Variants in SMARCA2 observed in about 807,000 individuals in gnomAD.
The protein encoded by SMARCA2 is SWI/SNF-related matrix-associated actin-dependent regulator of chromatin subfamily A member 2.
Under a neutral mutation model 199.8 loss-of-function variants are expected in SMARCA2, and 61 were observed. The observed-to-expected ratio is 0.31, with a 90% confidence interval of 0.25 to 0.38. The LOEUF is 0.38. Among genes scored for constraint, SMARCA2 ranks in the 10% least tolerant of loss-of-function variants. The pLI is 1.00. For missense variants in SMARCA2, 1,344 were observed against 2,012.2 expected (o/e 0.67, Z 6.35); for synonymous variants, 935 against 732.0 (o/e 1.28, Z -4.48).
At chr9:2,096,154 C>T (rs1219990048) in intron 19 of SMARCA2, among the ~76,000 whole-genome samples, 2 of 152,164 alleles carry the variant, frequency 1.3e-5, no homozygotes, top group African/African-American at 2.4e-5. Flanking sequence ...TAATGGTAGT[C>T]ACCCTAGGGA....
chr9:2,026,444 G>A (rs1818834612), intron 1 of SMARCA2, among the ~76,000 whole-genome samples: 2 of 152,154 alleles, frequency 1.3e-5, no homozygotes, highest in South Asian at 4.1e-4. Context: ...AAAACGAGGA[G>A]CATTTTTATG....
At chr9:2,046,734 A>AT (rs1214629156) in intron 4 of SMARCA2, among the ~76,000 whole-genome samples, 1 of 150,784 alleles carries the variant, frequency 6.6e-6, no homozygotes, top group Non-Finnish European at 1.5e-5. Flanking sequence ...TTGAGGTGCA[A>AT]TTTGCAAGAT....
At chr9:2,029,282 T>G in intron 2 of SMARCA2, 35 bp downstream of exon 2, 1 of 1,580,884 alleles carries the variant, frequency 6.3e-7, no homozygotes. Context: ...ACTCAACTTC[T>G]GATAAGTGGA....
intron 1 of SMARCA2, among the ~76,000 whole-genome samples, chr9:2,026,178 G>C (rs918769419): frequency 6.6e-6 from 1 of 152,154 alleles, no homozygotes; most frequent in Non-Finnish European, 1.5e-5. Context: ...ATCACGTCAC[G>C]TTCTATGAGA....
At chr9:2,102,759 C>T (rs1021073018) in intron 22 of SMARCA2, among the ~76,000 whole-genome samples, 1 of 152,140 alleles carries the variant, frequency 6.6e-6, no homozygotes, top group Non-Finnish European at 1.5e-5. Context: ...TACATGACGT[C>T]CATAGTGATC....
At position 2,086,376 on chromosome 9, in the gene SMARCA2, T is replaced by C. The variant is rs1310123132; in HGVS notation, c.2527-453T>C. 6.6e-6 allele frequency among the ~76,000 whole-genome samples: 1 copy of C among 152,222 alleles called. No individual in the cohort carries two copies. The highest frequency in any genetic ancestry group is 2.4e-5 in the African/African-American group (1 of 41,460). ...AGAATATCTCAGCTGTAGAACCTGC[T>C]AGGGCCATCTTGGAAAAATCAGTCA... On this transcript the variant is annotated intron_variant, in intron 17 of 33. Coordinates refer to ENST00000349721, the MANE Select transcript of SMARCA2 (RefSeq NM_003070.5). This position sits in a 1 kb window ranked among gnomAD's most constrained non-coding sequence, Gnocchi z 4.3.
chr9:2,163,362 G>A (rs888509454), intron 28 of SMARCA2, among the ~76,000 whole-genome samples: 1 of 152,138 alleles, frequency 6.6e-6, no homozygotes, highest in Non-Finnish European at 1.5e-5. Flanking sequence ...TTGGACCAAC[G>A]GTTCATTAAT....
intron 1 of SMARCA2, among the ~76,000 whole-genome samples, chr9:2,023,421 A>G (rs1385408670): frequency 6.6e-6 from 1 of 152,222 alleles, no homozygotes; most frequent in Non-Finnish European, 1.5e-5. Context: ...ACTTTTAAAA[A>G]ACATATTTGA....
chr9:2,049,373 T>C (rs916517880), intron 5 of SMARCA2, among the ~76,000 whole-genome samples: 2 of 152,246 alleles, frequency 1.3e-5, no homozygotes, highest in Non-Finnish European at 2.9e-5. Flanking sequence ...TATTAAGTAG[T>C]ACTATTTGGC....
At chr9:2,023,615 T>G (rs893146604) in intron 1 of SMARCA2, among the ~76,000 whole-genome samples, 12 of 152,198 alleles carry the variant, frequency 7.9e-5, no homozygotes, top group African/African-American at 2.9e-4. Flanking sequence ...AGAAGCAGTG[T>G]GGGCCTTGGT....
chr9:2,091,000 G>A (rs983718681), intron 19 of SMARCA2, among the ~76,000 whole-genome samples: 11 of 152,080 alleles, frequency 7.2e-5, no homozygotes, highest in Non-Finnish European at 1.5e-5. Context: ...AAGGAACTAC[G>A]GCAGATGGAG....
intron 27 of SMARCA2, chr9:2,159,933 T>A: frequency 1.3e-6 from 2 of 1,596,526 alleles, no homozygotes; most frequent in African/African-American, 1.3e-5. Context: ...TTCGTTGCCG[T>A]CTTGAAGATT....
rs542810051 is a variant in SMARCA2 at position 2,161,454 on chromosome 9, C to A, written c.3982-232C>A. ...TCTCCTTTACTGTGAGTGTTTTGGG[C>A]CTTCAGTGTGTTTTGCTCATGAAAC... On this transcript the variant is annotated intron_variant, in intron 27 of 33. Coordinates refer to ENST00000349721, the MANE Select transcript of SMARCA2 (RefSeq NM_003070.5). The surrounding 1 kb of genome is among the most constrained non-coding windows in gnomAD (Gnocchi z 4.7). Among the ~76,000 whole-genome samples the A allele has an allele frequency of 7.9e-5, 12 of 152,190 alleles. No homozygotes were observed. Among genetic ancestry groups the A allele is most frequent in the Non-Finnish European group, 1.0e-4 (7 of 68,010 alleles).
At chr9:2,134,295 A>G (rs991692234) in intron 27 of SMARCA2, among the ~76,000 whole-genome samples, 2 of 152,186 alleles carry the variant, frequency 1.3e-5, no homozygotes, top group Non-Finnish European at 2.9e-5. Context: ...CCACAGGTTT[A>G]TTCATCTCAA....
At chr9:2,071,616 C>A (rs1355519768) in intron 10 of SMARCA2, among the ~76,000 whole-genome samples, 2 of 152,156 alleles carry the variant, frequency 1.3e-5, no homozygotes, top group Non-Finnish European at 2.9e-5. Flanking sequence ...CACACGTGTC[C>A]TGTTTGCTAA....
intron 27 of SMARCA2, among the ~76,000 whole-genome samples, chr9:2,138,932 G>A (rs1252157463): frequency 2.6e-5 from 4 of 152,134 alleles, no homozygotes; most frequent in Admixed American, 1.3e-4. Flanking sequence ...TTCTTAGCCG[G>A]AGTTTCTTTC....
intron 30 of SMARCA2, among the ~76,000 whole-genome samples, chr9:2,181,912 T>C (rs1827056287): frequency 6.6e-6 from 1 of 152,152 alleles, no homozygotes; most frequent in African/African-American, 2.4e-5. Context: ...GCCCACATTA[T>C]TGCTCTTCTC....
intron 20 of SMARCA2, chr9:2,097,094 C>T (rs1822304761): frequency 2.0e-6 from 1 of 489,878 alleles, no homozygotes; most frequent in Non-Finnish European, 3.6e-6. Context: ...TTCTGTGCTT[C>T]TGTGTTCCGG....
intron 1 of SMARCA2, among the ~76,000 whole-genome samples, chr9:2,028,531 T>C (rs146113146): frequency 0.021 from 3,175 of 152,332 alleles, 52 homozygotes; most frequent in South Asian, 0.045. Flanking sequence ...ATCTTGAAGT[T>C]TTGAATGCCC....
Sources: gnomAD v4.1 joint callset for allele counts (sites outside exome capture counted in the v4.1 genomes callset) on GRCh38, gnomAD v4.1.1 for gene constraint, Gnocchi (gnomAD v3.1) non-coding constraint, MANE v1.5 for transcripts, NCBI Gene and HGNC (gene_info 2026-07-23, HGNC 2026-07-21) for gene names.